Variants in ADAM7 observed in about 807,000 individuals in gnomAD.
The protein encoded by ADAM7 is ADAM metallopeptidase domain 7.
In ADAM7, 97 loss-of-function variants were observed where a neutral mutation model predicts 102.9. That is an observed-to-expected ratio of 0.94 (90% CI 0.80 to 1.12). ADAM7 has a LOEUF of 1.12. ADAM7 is among the 50% of genes most tolerant of loss of function. The probability of loss-of-function intolerance (pLI) is 0.00; values close to 1 mark genes in which losing one functional copy is unlikely to be tolerated. For missense variants in ADAM7, 991 were observed against 908.7 expected (o/e 1.09, Z -1.16); for synonymous variants, 334 against 304.4 (o/e 1.10, Z -1.01).
chr8:24,501,058 G>A (rs902556811), intron 19 of ADAM7, among the ~76,000 whole-genome samples, 163 bp downstream of exon 19: 1 of 152,128 alleles, frequency 6.6e-6, no homozygotes, highest in African/African-American at 2.4e-5. Context: ...CTCATATCCA[G>A]ATGCTAATAT....
At position 24,446,727 on chromosome 8, in the gene ADAM7, GA is replaced by G. The variant is rs536674507; in HGVS notation, c.157-458del. Among the ~76,000 whole-genome samples the G allele has an allele frequency of 4.6e-3, 693 of 151,860 alleles. 4 individuals are homozygous for G. Among genetic ancestry groups the G allele is most frequent in the African/African-American group, 0.016 (677 of 41,484 alleles). On this transcript the variant is annotated intron_variant, in intron 2 of 21. Coordinates refer to ENST00000175238, the MANE Select transcript of ADAM7 (RefSeq NM_003817.4). The stretch of plus-strand genomic sequence containing the variant: ...AATCGCTTTAAAAATGCGTGAACAG[GA>G]TATCTGTGTATAGAGCTGCTACATG...
intron 20 of ADAM7, chr8:24,506,046 T>C (rs1820938965): frequency 7.4e-7 from 1 of 1,349,046 alleles, no homozygotes; most frequent in Non-Finnish European, 1.0e-6. Flanking sequence ...TCAGTATTGG[T>C]ATATTTACTA....
chr8:24,453,812 T>C (rs1349442717), intron 3 of ADAM7, among the ~76,000 whole-genome samples: 2 of 152,216 alleles, frequency 1.3e-5, no homozygotes, highest in African/African-American at 2.4e-5. Flanking sequence ...ATGATGGTGA[T>C]GTACAGATGG....
chr8:24,477,555 G>A (rs1819806734), intron 8 of ADAM7, among the ~76,000 whole-genome samples: 1 of 49,856 alleles, frequency 2.0e-5, no homozygotes. Flanking sequence ...GTGTCCCTTG[G>A]GCATACCCTC....
intron 13 of ADAM7, 104 bp downstream of exon 13, chr8:24,490,992 A>T: frequency 8.8e-7 from 1 of 1,137,274 alleles, no homozygotes; most frequent in Non-Finnish European, 1.3e-6. Flanking sequence ...TGACTCCAAA[A>T]TGAAGCTAGG....
intron 8 of ADAM7, among the ~76,000 whole-genome samples, chr8:24,477,955 T>C (rs148369738): frequency 6.6e-6 from 1 of 152,272 alleles, no homozygotes; most frequent in Non-Finnish European, 1.5e-5. Context: ...ACTCACTCTC[T>C]CTTATAGTTT....
At chr8:24,482,084 T>C in intron 8 of ADAM7, 58 bp from the exon 9 acceptor site, 1 of 1,235,746 alleles carries the variant, frequency 8.1e-7, no homozygotes, top group Non-Finnish European at 1.1e-6. Context: ...AATATAGTAA[T>C]ATTGAAGACT....
chr8:24,492,750 T>C (rs556484773), intron 15 of ADAM7, among the ~76,000 whole-genome samples, 153 bp downstream of exon 15: 2 of 152,340 alleles, frequency 1.3e-5, no homozygotes, highest in Admixed American at 1.3e-4. Context: ...ATTAAAATTA[T>C]GCTAATTCAA....
Position 24,508,737 on chromosome 8 carries a change from C to T in ADAM7, c.*191C>T. On this transcript the variant is annotated 3_prime_UTR_variant, in exon 22 of 22. Transcript: ENST00000175238. The stretch of plus-strand genomic sequence containing the variant: ...AATATTTACCGGTAGAATTCACACC[C>T]TCTATCATAAACATATGCTGCAGAA... 12 of 1,414,432 alleles carry T rather than the reference C, an allele frequency of 8.5e-6. No individual in the cohort carries two copies. Among genetic ancestry groups the T allele is most frequent in the Non-Finnish European group, 1.1e-5 (12 of 1,082,314 alleles). 87.6% of individuals were successfully genotyped at this position (1,414,432 alleles called of 1,614,324 possible).
At chr8:24,449,655 T>C (rs535222825) in intron 3 of ADAM7, among the ~76,000 whole-genome samples, 83 of 152,274 alleles carry the variant, frequency 5.5e-4, no homozygotes, top group Non-Finnish European at 1.1e-3. Flanking sequence ...TTAGTTTAAT[T>C]AGATCCCATT....
intron 3 of ADAM7, among the ~76,000 whole-genome samples, chr8:24,459,406 A>G (rs1395283544): frequency 1.3e-5 from 2 of 152,010 alleles, no homozygotes; most frequent in Non-Finnish European, 2.9e-5. Context: ...TATATGATCA[A>G]TCTAAAAGGG....
At chr8:24,447,565 G>A (rs757616654) in intron 3 of ADAM7, among the ~76,000 whole-genome samples, 6 of 152,058 alleles carry the variant, frequency 3.9e-5, no homozygotes, top group African/African-American at 9.7e-5. Flanking sequence ...GGAATCAGTG[G>A]AACAAAAGAG....
Position 24,489,209 on chromosome 8 carries a change from A to C in ADAM7, c.1142A>C (p.Tyr381Ser), listed in dbSNP as rs781283228. The C allele has an allele frequency of 1.2e-6, 2 of 1,613,606 alleles. No homozygotes were observed. The highest frequency in any genetic ancestry group is 1.7e-6 in the Non-Finnish European group (2 of 1,179,680). ...TGCAGCCAAAACCAATACCACCAGT[A>C]CTTGAAGGATTATAAGCCAACATGC... Reference protein sequence around the residue: ...SKCSQNQYHQYLKDYKPTCML... With the variant: ...SKCSQNQYHQSLKDYKPTCML... Residue 381 changes from tyrosine to serine, a missense_variant, in exon 12 of 22, where the codon TAC becomes TCC. Tyr to Ser is a moderately radical substitution (Grantham distance 144). Transcript: ENST00000175238.
At chr8:24,453,403 A>G (rs971405036) in intron 3 of ADAM7, among the ~76,000 whole-genome samples, 41 of 151,900 alleles carry the variant, frequency 2.7e-4, no homozygotes, top group Non-Finnish European at 4.7e-4. Flanking sequence ...CATTCATTTC[A>G]TCTTCCATCA....
At chr8:24,485,900 G>A (rs1424700328) in intron 10 of ADAM7, among the ~76,000 whole-genome samples, 4 of 152,020 alleles carry the variant, frequency 2.6e-5, no homozygotes, top group South Asian at 2.1e-4. Context: ...TTGAAAACAC[G>A]AAGGTTTCTA....
chr8:24,456,550 T>G (rs1033163320), intron 3 of ADAM7, among the ~76,000 whole-genome samples: 9 of 151,948 alleles, frequency 5.9e-5, no homozygotes, highest in Non-Finnish European at 1.3e-4. Flanking sequence ...TCTATAAAAC[T>G]CCTATAAAAA....
At chr8:24,492,986 C>T in intron 15 of ADAM7, 57 bp from the exon 16 acceptor site, 4 of 1,489,994 alleles carry the variant, frequency 2.7e-6, no homozygotes, top group Non-Finnish European at 3.6e-6. Context: ...CATTGCCAGC[C>T]TAGTCTCAAA....
At chr8:24,453,711 G>A (rs1483905544) in intron 3 of ADAM7, among the ~76,000 whole-genome samples, 4 of 152,220 alleles carry the variant, frequency 2.6e-5, no homozygotes, top group Admixed American at 1.3e-4. Context: ...CGTTCCTTTG[G>A]AGGAGGAGAG....
Position 24,476,443 on chromosome 8 carries a change from A to G in ADAM7, c.644A>G (p.Asn215Ser), listed in dbSNP as rs1585891323. The change falls in exon 8 of 22, where the codon AAT (asparagine) becomes AGT (serine). Residue 215 changes from asparagine to serine, a missense_variant. Transcript: ENST00000175238. ...IVADDTVYRR[N>S]GHPHNKLRNR... is the part of the protein sequence containing the mutation. Reference sequence around the variant, plus strand: ...TATTTATATTTCCAGTATCGCAGAAATGGTCATCCTCACAATAAACTAAGG... The same window carrying G: ...TATTTATATTTCCAGTATCGCAGAAGTGGTCATCCTCACAATAAACTAAGG... 6.2e-7 allele frequency: 1 copy of G among 1,604,124 alleles called. No homozygotes were observed. The highest frequency in any genetic ancestry group is 8.5e-7 in the Non-Finnish European group (1 of 1,173,300).
Sources: allele counts gnomAD v4.1 joint callset (sites outside exome capture counted in the v4.1 genomes callset), GRCh38; gene constraint gnomAD v4.1.1; transcripts MANE v1.5; gene names NCBI Gene and HGNC (gene_info 2026-07-23, HGNC 2026-07-21).